The following TRIO variants were observed in gnomAD, a reference collection of about 807,000 sequenced individuals.
The protein encoded by TRIO is trio Rho guanine nucleotide exchange factor.
TRIO carries 58 observed loss-of-function variants against 351.9 expected under a neutral mutation model. The observed-to-expected ratio is 0.16, with a 90% CI of 0.13 to 0.21. The LOEUF is 0.21. TRIO is among the 10% of genes least tolerant of loss of function. The probability of loss-of-function intolerance (pLI) is 1.00; values close to 1 mark genes in which losing one functional copy is unlikely to be tolerated. For missense variants in TRIO, 3,201 were observed against 4,027.8 expected (o/e 0.79, Z 5.56); for synonymous variants, 1,758 against 1,595.7 (o/e 1.10, Z -2.42).
At chr5:14,145,362 G>T (rs1324950749) in intron 1 of TRIO, among the ~76,000 whole-genome samples, 1 of 152,154 alleles carries the variant, frequency 6.6e-6, no homozygotes, top group Non-Finnish European at 1.5e-5. Context: ...ATTGGTTGTG[G>T]CTGGGAGTGA....
intron 1 of TRIO, among the ~76,000 whole-genome samples, chr5:14,215,861 C>T (rs911391460): frequency 6.6e-6 from 1 of 152,176 alleles, no homozygotes; most frequent in African/African-American, 2.4e-5. Flanking sequence ...TTTTGAGAGT[C>T]GGTGACTTAT....
At position 14,443,936 on chromosome 5, in the gene TRIO, G is replaced by A. The variant is rs189908418; in HGVS notation, c.5204-17083G>A. Among the ~76,000 whole-genome samples, 192 of 152,276 alleles carry A rather than the reference G, an allele frequency of 1.3e-3. 1 individual carries two copies. The highest frequency in any genetic ancestry group is 4.2e-3 in the African/African-American group (176 of 41,548). ...CTGAAATCAGTATTCCCTTTTATAGGACAGATGGAATCTATTCCAGTGCTA... is the reference window on the plus strand; with the variant it reads ...CTGAAATCAGTATTCCCTTTTATAGAACAGATGGAATCTATTCCAGTGCTA... On this transcript the variant is annotated intron_variant, in intron 34 of 56. Coordinates refer to ENST00000344204, the MANE Select transcript of TRIO (RefSeq NM_007118.4).
chr5:14,295,244 A>G (rs1295878177), intron 6 of TRIO, among the ~76,000 whole-genome samples: 1 of 152,260 alleles, frequency 6.6e-6, no homozygotes, highest in Non-Finnish European at 1.5e-5. Context: ...AAAGCATATT[A>G]AGGGATACCA....
intron 41 of TRIO, among the ~76,000 whole-genome samples, chr5:14,478,520 A>G (rs1160978363): frequency 6.6e-6 from 1 of 152,136 alleles, no homozygotes; most frequent in Non-Finnish European, 1.5e-5. Flanking sequence ...ATTTATGGAA[A>G]GGCTCATTGT....
chr5:14,504,085 G>A (rs995501391), intron 54 of TRIO, among the ~76,000 whole-genome samples: 3 of 152,240 alleles, frequency 2.0e-5, no homozygotes, highest in Admixed American at 2.0e-4. Flanking sequence ...GGAGTCGCCC[G>A]GCAAGGCCAA....
Position 14,461,155 on chromosome 5 carries a change from C to T in TRIO, c.5340C>T (p.Pro1780=), listed in dbSNP as rs1289323110. The T allele has an allele frequency of 3.2e-6, 5 of 1,556,130 alleles. No individual in the cohort carries two copies. Among genetic ancestry groups the T allele is most frequent in the African/African-American group, 2.7e-5 (2 of 73,414 alleles). Residue 1780 remains proline (P), a synonymous_variant, in exon 35 of 57, where the codon CCC becomes CCT. Transcript: ENST00000344204. ...GNTLRKWLTS[P]VRRLSSGKAD... The stretch of plus-strand genomic sequence containing the variant: ...CCCTGCGCAAGTGGCTCACCAGCCC[C>T]GTGCGGCGGCTCAGCAGCGGCAAGG...
At chr5:14,274,059 TA>T (rs1346471901) in intron 2 of TRIO, among the ~76,000 whole-genome samples, 1 of 152,180 alleles carries the variant, frequency 6.6e-6, no homozygotes, top group Non-Finnish European at 1.5e-5. Flanking sequence ...GTAAATGTTA[TA>T]AAAAACCGCT....
In TRIO at chr5:14,487,686, T is replaced by C; in HGVS notation, c.7058T>C (p.Val2353Ala). 1 of 1,414,168 alleles carries C rather than the reference T, an allele frequency of 7.1e-7. No homozygotes were observed. 87.6% of individuals were successfully genotyped at this position (1,414,168 alleles called of 1,614,324 possible). The change falls in exon 48 of 57, where the codon GTC becomes GCC. Residue 2353 changes from valine (V) to alanine (A), a missense_variant. Transcript: ENST00000344204. ...QPVRHHPPVLVSSAASSQAEA... is the reference protein window; with the variant it reads ...QPVRHHPPVLASSAASSQAEA... Reference sequence around the variant, plus strand: ...GTCCGACACCACCCCCCCGTGCTGGTCTCCTCTGCAGCCTCGAGCCAGGCA... The same window carrying C: ...GTCCGACACCACCCCCCCGTGCTGGCCTCCTCTGCAGCCTCGAGCCAGGCA...
In TRIO at chr5:14,492,804, G is replaced by C; in HGVS notation, c.7870G>C (p.Gly2624Arg). ...TGCAGTCATCGTGGAGAACCCGGAC[G>C]GGACTCTCAAGTGAGTGCTTGACAG... ...TSAVIVENPD[G>R]TLKKSTSWHT... is the part of the protein sequence containing the mutation. Residue 2624 changes from glycine (G) to arginine (R), a missense_variant, in exon 49 of 57, where the codon GGG becomes CGG. By Grantham distance (125) the Gly-to-Arg change is moderately radical (BLOSUM62 -2). Around this residue, in one of 19 missense-constraint regions of TRIO, gnomAD observed 1,089 missense variants for 954.9 expected, o/e 1.14. Coordinates refer to ENST00000344204, the MANE Select transcript of TRIO (RefSeq NM_007118.4). The C allele has an allele frequency of 6.2e-7, 1 of 1,613,720 alleles. No individual in the cohort carries two copies. Among genetic ancestry groups the C allele is most frequent in the Non-Finnish European group, 8.5e-7 (1 of 1,179,874 alleles).
At chr5:14,451,494 T>C (rs1579692344) in intron 34 of TRIO, among the ~76,000 whole-genome samples, 1 of 152,260 alleles carries the variant, frequency 6.6e-6, no homozygotes, top group Non-Finnish European at 1.5e-5. Flanking sequence ...AAGTAATTTA[T>C]AGATCTGATT....
chr5:14,267,074 T>C (rs979916774), intron 1 of TRIO, among the ~76,000 whole-genome samples: 1 of 152,226 alleles, frequency 6.6e-6, no homozygotes, highest in Non-Finnish European at 1.5e-5. Context: ...GCAGTTAATA[T>C]GGGCTCTATA....
intron 7 of TRIO, among the ~76,000 whole-genome samples, chr5:14,298,380 T>C (rs1445531415): frequency 6.6e-6 from 1 of 152,198 alleles, no homozygotes; most frequent in Non-Finnish European, 1.5e-5. Context: ...GCATAGGAAC[T>C]TTTAACCACC....
At chr5:14,308,305 TACCCAATC>T (rs1205934307) in intron 8 of TRIO, among the ~76,000 whole-genome samples, 1 of 151,418 alleles carries the variant, frequency 6.6e-6, no homozygotes, top group Non-Finnish European at 1.5e-5. Flanking sequence ...CCCATCCATC[TACCCAATC>T]ACCCAACCAC....
intron 13 of TRIO, 83 bp downstream of exon 13, chr5:14,359,614 C>T: frequency 6.7e-7 from 1 of 1,498,750 alleles, no homozygotes; most frequent in Non-Finnish European, 9.1e-7. Context: ...TGTCTCTGCC[C>T]TGCTGAGGTC....
chr5:14,316,770 A>T (rs765349978), intron 9 of TRIO, 27 bp downstream of exon 9: 1 of 1,594,854 alleles, frequency 6.3e-7, no homozygotes, highest in African/African-American at 1.3e-5. Flanking sequence ...GCCCTTCTGC[A>T]TGGGAAATGG....
At chr5:14,450,353 G>T (rs1402974274) in intron 34 of TRIO, among the ~76,000 whole-genome samples, 2 of 152,230 alleles carry the variant, frequency 1.3e-5, no homozygotes, top group Admixed American at 6.5e-5. Flanking sequence ...ATTACATTGT[G>T]TTCTGGCATT....
intron 1 of TRIO, among the ~76,000 whole-genome samples, chr5:14,147,808 G>C (rs1787602529): frequency 6.6e-6 from 1 of 152,162 alleles, no homozygotes; most frequent in African/African-American, 2.4e-5. Context: ...TACTTCTGTT[G>C]GTATTGAGAA....
intron 1 of TRIO, among the ~76,000 whole-genome samples, chr5:14,145,578 C>G (rs943955457): frequency 6.6e-6 from 1 of 151,584 alleles, no homozygotes; most frequent in Non-Finnish European, 1.5e-5. Context: ...GGGACGTATT[C>G]CCTTCATGCC....
chr5:14,223,111 A>G (rs1263800448), intron 1 of TRIO, among the ~76,000 whole-genome samples: 1 of 152,128 alleles, frequency 6.6e-6, no homozygotes, highest in Non-Finnish European at 1.5e-5. Flanking sequence ...TCTGCTGCTT[A>G]TGAGTTGTCC....
Sources: allele counts gnomAD v4.1 joint callset (sites outside exome capture counted in the v4.1 genomes callset), GRCh38; gene constraint gnomAD v4.1.1; regional missense constraint gnomAD v4.1.1; transcripts MANE v1.5; gene names NCBI Gene and HGNC (gene_info 2026-07-23, HGNC 2026-07-21).